Variants in LTBP1 observed in about 807,000 individuals in gnomAD.
LTBP1 encodes the protein latent transforming growth factor beta binding protein 1.
LTBP1 carries 129 observed loss-of-function variants against 207.6 expected under a neutral mutation model. The observed-to-expected ratio is 0.62, with a 90% confidence interval of 0.54 to 0.72. The LOEUF (loss-of-function observed/expected upper bound fraction) is 0.72, where lower values mean the gene tolerates loss of function less well. LTBP1 is among the 30% of genes least tolerant of loss of function. LTBP1 has a pLI of 0.00. For synonymous variants in LTBP1, 963 were observed against 833.7 expected (o/e 1.16, Z -2.67); for missense variants, 2,281 against 2,217.2 (o/e 1.03, Z -0.58).
chr2:33,391,655 G>A (rs2095315479), intron 32 of LTBP1, among the ~76,000 whole-genome samples: 1 of 152,122 alleles, frequency 6.6e-6, no homozygotes, highest in African/African-American at 2.4e-5. Context: ...AGGACAAATG[G>A]AGAACCAAAA....
intron 3 of LTBP1, among the ~76,000 whole-genome samples, chr2:33,029,337 C>T (rs1165455090): frequency 5.9e-5 from 9 of 152,094 alleles, no homozygotes; most frequent in African/African-American, 1.2e-4. Flanking sequence ...ATTAGTTGGG[C>T]GTGGTGATGC....
intron 24 of LTBP1, among the ~76,000 whole-genome samples, chr2:33,321,627 A>G (rs537058168): frequency 1.3e-5 from 2 of 152,310 alleles, no homozygotes; most frequent in South Asian, 4.1e-4. Context: ...AGAACTTTAT[A>G]TCTGTCACCA....
intron 3 of LTBP1, among the ~76,000 whole-genome samples, chr2:33,081,796 A>G (rs763187838): frequency 8.5e-5 from 13 of 152,110 alleles, no homozygotes; most frequent in Middle Eastern, 3.4e-3. Context: ...GGTTACCCTC[A>G]TGCTTTTCTT....
chr2:33,012,953 C>T (rs577615745), intron 2 of LTBP1, among the ~76,000 whole-genome samples: 1 of 152,206 alleles, frequency 6.6e-6, no homozygotes, highest in Non-Finnish European at 1.5e-5. Context: ...TGTTTTAATT[C>T]ACTTTATCAA....
intron 3 of LTBP1, among the ~76,000 whole-genome samples, chr2:33,038,972 G>C (rs948758692): frequency 6.6e-6 from 1 of 152,158 alleles, no homozygotes; most frequent in African/African-American, 2.4e-5. Context: ...CTGCGCTCAG[G>C]GCTCTGCCTC....
At position 33,309,108 on chromosome 2, in the gene LTBP1, C is replaced by G. The variant is rs372313652; in HGVS notation, c.3482-326C>G. On this transcript the variant is annotated intron_variant, in intron 22 of 33. Transcript: ENST00000404816. ...GACCAGACTGGCCAACATGGTGAAA[C>G]CCCATCTCTACTAAAAATACAAAAA... 3.1e-4 allele frequency among the ~76,000 whole-genome samples: 47 copies of G among 151,872 alleles called. No homozygotes were observed. In the South Asian group the frequency reaches 8.5e-3, roughly 28 times the overall value.
intron 2 of LTBP1, among the ~76,000 whole-genome samples, chr2:33,009,313 T>G (rs917243526): frequency 2.0e-5 from 3 of 152,178 alleles, no homozygotes; most frequent in African/African-American, 7.2e-5. Context: ...CTTGGTGTTG[T>G]GGTCTGAAAT....
intron 3 of LTBP1, among the ~76,000 whole-genome samples, chr2:33,071,947 C>T (rs1309216970): frequency 6.6e-6 from 1 of 152,174 alleles, no homozygotes; most frequent in Non-Finnish European, 1.5e-5. Context: ...CAGTGCACAC[C>T]AACTGAATGT....
intron 26 of LTBP1, among the ~76,000 whole-genome samples, chr2:33,355,756 A>G (rs1051212051): frequency 8.6e-5 from 13 of 151,948 alleles, no homozygotes; most frequent in African/African-American, 2.4e-4. Flanking sequence ...TAATGCCTTC[A>G]CTAGATGTCA....
chr2:33,379,601 G>A (rs1056739169), intron 31 of LTBP1, among the ~76,000 whole-genome samples: 12 of 152,336 alleles, frequency 7.9e-5, no homozygotes, highest in African/African-American at 2.9e-4. Context: ...GACTGTATCT[G>A]ATAGTGAACA....
Position 33,082,013 on chromosome 2 carries a change from G to A in LTBP1, c.864-28569G>A, listed in dbSNP as rs190807961. Among the ~76,000 whole-genome samples, 15 of 152,186 alleles carry A rather than the reference G, an allele frequency of 9.9e-5. No homozygotes were observed. The East Asian group carries it at 2.9e-3, about 29-fold the overall frequency. Reference sequence around the variant, plus strand: ...TTCTTTTATAAATTACCCAGTCTTGGGTATGTCTGTATTAGCAGCATGAGA... The same window carrying A: ...TTCTTTTATAAATTACCCAGTCTTGAGTATGTCTGTATTAGCAGCATGAGA... On this transcript the variant is annotated intron_variant, in intron 3 of 33. Transcript: ENST00000404816.
At chr2:33,084,062 A>G (rs948631812) in intron 3 of LTBP1, among the ~76,000 whole-genome samples, 3 of 152,168 alleles carry the variant, frequency 2.0e-5, no homozygotes, top group African/African-American at 7.2e-5. Flanking sequence ...TGATGTCTGG[A>G]AATACTTTCC....
At chr2:33,366,600 A>G (rs546673862) in intron 31 of LTBP1, among the ~76,000 whole-genome samples, 14 of 152,362 alleles carry the variant, frequency 9.2e-5, no homozygotes, top group Non-Finnish European at 1.8e-4. Flanking sequence ...GTCTGGGGCC[A>G]GTTGGCACTG....
intron 24 of LTBP1, among the ~76,000 whole-genome samples, chr2:33,326,638 A>ATT (rs952526580): frequency 1.6e-5 from 1 of 62,950 alleles, no homozygotes; most frequent in Non-Finnish European, 3.3e-5. Context: ...AATGAGGGAT[A>ATT]TAATTTATTT....
At chr2:33,029,332 T>C (rs943232569) in intron 3 of LTBP1, among the ~76,000 whole-genome samples, 8 of 151,902 alleles carry the variant, frequency 5.3e-5, no homozygotes, top group African/African-American at 1.9e-4. Context: ...CAAAAATTAG[T>C]TGGGCGTGGT....
chr2:33,066,830 G>T (rs2077532563), intron 3 of LTBP1, among the ~76,000 whole-genome samples: 1 of 152,142 alleles, frequency 6.6e-6, no homozygotes. Context: ...TTTATTGATG[G>T]TGAGTTAATT....
intron 7 of LTBP1, among the ~76,000 whole-genome samples, chr2:33,208,401 C>G (rs1271892012): frequency 6.6e-6 from 1 of 152,094 alleles, no homozygotes; most frequent in Non-Finnish European, 1.5e-5. Flanking sequence ...TAGAATCGAG[C>G]CATTTAAGAG....
chr2:33,348,770 A>G (rs1337748523), intron 26 of LTBP1, among the ~76,000 whole-genome samples: 4 of 152,358 alleles, frequency 2.6e-5, no homozygotes, highest in Admixed American at 6.5e-5. Context: ...AAGTGAAAAA[A>G]TACAGGATAT....
chr2:33,056,448 C>T (rs2149565859), intron 3 of LTBP1: 2 of 955,854 alleles, frequency 2.1e-6, no homozygotes, highest in Non-Finnish European at 1.5e-6. Flanking sequence ...GTTTAGTTCC[C>T]TGTTGTTGCA....
Sources: gnomAD v4.1 joint callset for allele counts (sites outside exome capture counted in the v4.1 genomes callset) on GRCh38, gnomAD v4.1.1 for gene constraint, MANE v1.5 for transcripts, NCBI Gene and HGNC (gene_info 2026-07-23, HGNC 2026-07-21) for gene names.